The following AKR1C8 variants were observed in gnomAD, a reference collection of about 807,000 sequenced individuals.
AKR1C8 encodes the protein aldo-keto reductase family 1 member C-like protein 1.
the AKR1C8 span, among the ~76,000 whole-genome samples, chr10:5,132,154 T>C: frequency 6.6e-6 from 1 of 151,362 alleles, no homozygotes; most frequent in South Asian, 2.1e-4. Context: ...ACAGATGATA[T>C]AATGGCCTTT....
chr10:5,154,325 G>A, the AKR1C8 span: 1 of 310,858 alleles, frequency 3.2e-6, no homozygotes, highest in Non-Finnish European at 6.8e-6. Flanking sequence ...TTTAATCTAT[G>A]GAGGGGATGA....
chr10:5,128,833 T>C, the AKR1C8 span, among the ~76,000 whole-genome samples: 2 of 152,156 alleles, frequency 1.3e-5, no homozygotes, highest in East Asian at 3.9e-4. Flanking sequence ...AACACACTAA[T>C]AGTGAGGGAC....
chr10:5,123,680 T>A, the AKR1C8 span: 14 of 1,571,300 alleles, frequency 8.9e-6, no homozygotes, highest in Non-Finnish European at 9.5e-6. Context: ...CAAAATGGCA[T>A]TTTAGGTAAA....
chr10:5,172,855 C>G, the AKR1C8 span, among the ~76,000 whole-genome samples: 1 of 151,940 alleles, frequency 6.6e-6, no homozygotes, highest in Admixed American at 6.6e-5. Flanking sequence ...ACACATATAG[C>G]CAGACAGACA....
At chr10:5,155,558 C>T in the AKR1C8 span, 2 of 341,848 alleles carry the variant, frequency 5.9e-6, no homozygotes, top group South Asian at 4.9e-5. Flanking sequence ...AGGGCATCTC[C>T]TATTTCACCC....
the AKR1C8 span, among the ~76,000 whole-genome samples, chr10:5,183,925 T>A: frequency 6.6e-6 from 1 of 152,188 alleles, no homozygotes; most frequent in African/African-American, 2.4e-5. Context: ...ACATTTGTCT[T>A]TTGTGTAACC....
At chr10:5,126,125 C>A in the AKR1C8 span, among the ~76,000 whole-genome samples, 1 of 152,120 alleles carries the variant, frequency 6.6e-6, no homozygotes, top group Non-Finnish European at 1.5e-5. Context: ...AGTCAAATGG[C>A]CTTGGTGCTC....
the AKR1C8 span, among the ~76,000 whole-genome samples, chr10:5,116,751 AG>A: frequency 1.3e-5 from 2 of 152,200 alleles, no homozygotes; most frequent in Non-Finnish European, 2.9e-5. Context: ...GCTGTCCTTC[AG>A]GGATGTAGGA....
At chr10:5,161,953 C>A in the AKR1C8 span, 1 of 533,644 alleles carries the variant, frequency 1.9e-6, no homozygotes, top group South Asian at 1.4e-5. Flanking sequence ...CAATTCTGCC[C>A]GAAAGAAAGT....
At chr10:5,167,507 T>C in the AKR1C8 span, among the ~76,000 whole-genome samples, 7 of 152,210 alleles carry the variant, frequency 4.6e-5, no homozygotes, top group South Asian at 2.1e-4. Context: ...AGCTGGAAAC[T>C]ATCATTCTCA....
the AKR1C8 span, chr10:5,154,311 A>G: frequency 2.6e-6 from 1 of 392,026 alleles, no homozygotes; most frequent in East Asian, 7.2e-5. Context: ...CTCGGCACAC[A>G]TGGTTTAATC....
chr10:5,181,099 G>C, the AKR1C8 span, among the ~76,000 whole-genome samples: 1 of 152,180 alleles, frequency 6.6e-6, no homozygotes, highest in Non-Finnish European at 1.5e-5. Flanking sequence ...GGGAGGTGTA[G>C]ACCAGAGCTG....
At chr10:5,182,411 C>T in the AKR1C8 span, among the ~76,000 whole-genome samples, 1 of 152,104 alleles carries the variant, frequency 6.6e-6, no homozygotes, top group East Asian at 1.9e-4. Flanking sequence ...GGTTCCTAAC[C>T]TATAATAAAT....
the AKR1C8 span, among the ~76,000 whole-genome samples, chr10:5,138,989 A>C: frequency 6.6e-6 from 1 of 152,160 alleles, no homozygotes; most frequent in Non-Finnish European, 1.5e-5. Context: ...ATGAGCAAAA[A>C]TCACAAGCAT....
the AKR1C8 span, chr10:5,162,931 C>T: frequency 4.3e-5 from 23 of 534,598 alleles, no homozygotes; most frequent in South Asian, 3.2e-4. Context: ...CAACCTCCTC[C>T]TCATTTTGGT....
chr10:5,125,472 G>C, the AKR1C8 span, among the ~76,000 whole-genome samples: 1 of 152,060 alleles, frequency 6.6e-6, no homozygotes, highest in Non-Finnish European at 1.5e-5. Context: ...ACCTCCCCTA[G>C]GGCAACATAA....
the AKR1C8 span, chr10:5,155,573 C>T: frequency 2.9e-6 from 1 of 348,310 alleles, no homozygotes; most frequent in South Asian, 2.4e-5. Flanking sequence ...TCACCCCATG[C>T]CTGAATTTGG....
the AKR1C8 span, chr10:5,184,937 G>T: frequency 2.0e-6 from 1 of 499,812 alleles, no homozygotes; most frequent in Admixed American, 2.1e-5. Context: ...CTACCCAAGT[G>T]CAGGGCTCTT....
the AKR1C8 span, among the ~76,000 whole-genome samples, chr10:5,138,977 C>A: frequency 6.6e-6 from 1 of 152,256 alleles, no homozygotes; most frequent in African/African-American, 2.4e-5. Flanking sequence ...GATACAAAAT[C>A]AATGAGCAAA....
Sources: allele counts gnomAD v4.1 joint callset (sites outside exome capture counted in the v4.1 genomes callset), GRCh38; gene constraint gnomAD v4.1.1; transcripts MANE v1.5; gene names NCBI Gene and HGNC (gene_info 2026-07-23, HGNC 2026-07-21).